Variants in NOS1AP observed in about 807,000 individuals in gnomAD.
NOS1AP encodes the protein nitric oxide synthase 1 adaptor protein.
NOS1AP carries 21 observed loss-of-function variants against 56.2 expected under a neutral mutation model. That is an observed-to-expected ratio of 0.37 (90% confidence interval 0.26 to 0.54). The LOEUF is 0.54. Among genes scored for constraint, NOS1AP ranks in the 20% least tolerant of loss-of-function variants. NOS1AP has a pLI of 0.84. For missense variants in NOS1AP, 522 were observed against 657.8 expected (o/e 0.79, Z 2.26); for synonymous variants, 270 against 274.6 (o/e 0.98, Z 0.17).
In NOS1AP at chr1:162,270,485, CCT is replaced by C. The variant is rs1374111831; in HGVS notation, c.178-16858_178-16857del. Among the ~76,000 whole-genome samples, 7 of 152,180 alleles carry C rather than the reference CCT, an allele frequency of 4.6e-5. No homozygotes were observed. In the East Asian group the frequency reaches 1.2e-3, roughly 25 times the overall value. ...TATAACATTATTATAAAATCAATCC[CCT>C]GAGTGCTAATTGCCATAGCAGTATA... On this transcript the variant is annotated intron_variant, in intron 2 of 9. Coordinates refer to ENST00000361897, the MANE Select transcript of NOS1AP (RefSeq NM_014697.3).
chr1:162,363,927 C>T, intron 8 of NOS1AP: 11 of 985,398 alleles, frequency 1.1e-5, no homozygotes, highest in Non-Finnish European at 1.3e-5. Context: ...TGGCTCCACT[C>T]AATCAGAAAT....
intron 2 of NOS1AP, among the ~76,000 whole-genome samples, chr1:162,283,638 A>G (rs1030246479): frequency 2.0e-5 from 3 of 152,122 alleles, no homozygotes; most frequent in Non-Finnish European, 2.9e-5. Flanking sequence ...GACCTCACTG[A>G]CTGGCACGGC....
intron 2 of NOS1AP, among the ~76,000 whole-genome samples, chr1:162,196,500 G>A (rs1651811465): frequency 6.6e-6 from 1 of 152,190 alleles, no homozygotes; most frequent in African/African-American, 2.4e-5. Context: ...GTTAATGTTG[G>A]GAAGGATGCA....
intron 4 of NOS1AP, among the ~76,000 whole-genome samples, chr1:162,306,829 C>A (rs1464494312): frequency 1.3e-5 from 2 of 151,976 alleles, no homozygotes; most frequent in Non-Finnish European, 2.9e-5. Flanking sequence ...TCCAGCTACT[C>A]AGGAGGCTGA....
chr1:162,350,983 T>C (rs1260205282), intron 6 of NOS1AP, among the ~76,000 whole-genome samples: 1 of 152,250 alleles, frequency 6.6e-6, no homozygotes, highest in Non-Finnish European at 1.5e-5. Context: ...ACCTTTGCTT[T>C]CTGATGGTTT....
chr1:162,317,990 C>T (rs1308515266), intron 4 of NOS1AP, among the ~76,000 whole-genome samples: 24 of 152,110 alleles, frequency 1.6e-4, no homozygotes. Flanking sequence ...AAATACTGCC[C>T]AAGAAAGGGA....
At position 162,357,422 on chromosome 1, in the gene NOS1AP, A is replaced by G. The variant is rs550524013; in HGVS notation, c.939+286A>G. ...AATGACTTGAACTGACCAAGGGAAA[A>G]GATGCACACAATTCCACCCTTCCTT... is the stretch of plus-strand genomic sequence containing the variant. On this transcript the variant is annotated intron_variant, in intron 8 of 9. Coordinates refer to ENST00000361897, the MANE Select transcript of NOS1AP (RefSeq NM_014697.3). Among the ~76,000 whole-genome samples the G allele has an allele frequency of 1.3e-4, 20 of 152,298 alleles. No individual in the cohort carries two copies. In the South Asian group the frequency reaches 3.7e-3, roughly 28 times the overall value.
At chr1:162,273,330 A>AT (rs369362002) in intron 2 of NOS1AP, among the ~76,000 whole-genome samples, 1,641 of 151,498 alleles carry the variant, frequency 0.011, 29 homozygotes, top group African/African-American at 0.037. Context: ...CACCCGGCTA[A>AT]TTTTTTTTGT....
At chr1:162,154,311 G>A in intron 1 of NOS1AP, 94 bp from the exon 2 acceptor site, 1 of 1,020,466 alleles carries the variant, frequency 9.8e-7, no homozygotes, top group Admixed American at 1.9e-5. Flanking sequence ...CTGTAAAATG[G>A]GCAGATGAGC....
chr1:162,321,731 A>AAAAAAAATAT (rs1480278757), intron 4 of NOS1AP, among the ~76,000 whole-genome samples: 31 of 128,484 alleles, frequency 2.4e-4, no homozygotes, highest in African/African-American at 8.7e-4. Flanking sequence ...AAAAAAAAAA[A>AAAAAAAATAT]ATATATATAT....
At position 162,209,363 on chromosome 1, in the gene NOS1AP, T is replaced by C. The variant is rs116973731; in HGVS notation, c.177+54887T>C. Among the ~76,000 whole-genome samples, 75 of 152,252 alleles carry C rather than the reference T, an allele frequency of 4.9e-4. No individual in the cohort carries two copies. The East Asian group carries it at 8.5e-3, about 17-fold the overall frequency. On this transcript the variant is annotated intron_variant, in intron 2 of 9. Transcript: ENST00000361897. ...AATAGTCTGGACTGAAGTGTGTGTA[T>C]AAATGCATGTAGATAGAAGGGCGAT...
intron 4 of NOS1AP, among the ~76,000 whole-genome samples, chr1:162,302,427 A>G (rs1655696215): frequency 6.6e-6 from 1 of 152,232 alleles, no homozygotes; most frequent in Non-Finnish European, 1.5e-5. Context: ...AGATTGCATC[A>G]GAAGCTGGCT....
intron 2 of NOS1AP, among the ~76,000 whole-genome samples, chr1:162,160,300 G>T (rs1428437713): frequency 6.6e-6 from 1 of 152,130 alleles, no homozygotes; most frequent in African/African-American, 2.4e-5. Context: ...GAATTCACCG[G>T]TGACCAGAAA....
intron 1 of NOS1AP, among the ~76,000 whole-genome samples, chr1:162,084,165 CG>C (rs1237459918): frequency 6.6e-6 from 1 of 152,156 alleles, no homozygotes; most frequent in Non-Finnish European, 1.5e-5. Flanking sequence ...CTGTCATCTT[CG>C]CGTTGGCTTC....
intron 2 of NOS1AP, among the ~76,000 whole-genome samples, chr1:162,223,211 G>T (rs1385261949): frequency 6.6e-6 from 1 of 152,162 alleles, no homozygotes; most frequent in Non-Finnish European, 1.5e-5. Context: ...TCTAGTTACA[G>T]AATTTTCTCC....
At chr1:162,228,138 C>T (rs1653002659) in intron 2 of NOS1AP, among the ~76,000 whole-genome samples, 3 of 152,218 alleles carry the variant, frequency 2.0e-5, no homozygotes, top group Non-Finnish European at 4.4e-5. Context: ...AGTGAGGAAG[C>T]ACGGAGAGAT....
intron 2 of NOS1AP, among the ~76,000 whole-genome samples, chr1:162,161,902 T>C (rs1650241241): frequency 6.6e-6 from 1 of 152,234 alleles, no homozygotes; most frequent in Non-Finnish European, 1.5e-5. Flanking sequence ...TAGCTATTAT[T>C]ATTAAATACA....
At chr1:162,223,254 C>G (rs1652843493) in intron 2 of NOS1AP, among the ~76,000 whole-genome samples, 1 of 152,272 alleles carries the variant, frequency 6.6e-6, no homozygotes, top group Non-Finnish European at 1.5e-5. Flanking sequence ...ATAGACCTCC[C>G]TCCCTCCCCA....
At chr1:162,171,101 G>A (rs1650759929) in intron 2 of NOS1AP, among the ~76,000 whole-genome samples, 1 of 152,132 alleles carries the variant, frequency 6.6e-6, no homozygotes, top group African/African-American at 2.4e-5. Flanking sequence ...GGGGCTGTTG[G>A]TCACTGTACT....
Sources: gnomAD v4.1 joint callset for allele counts (sites outside exome capture counted in the v4.1 genomes callset) on GRCh38, gnomAD v4.1.1 for gene constraint, MANE v1.5 for transcripts, NCBI Gene and HGNC (gene_info 2026-07-23, HGNC 2026-07-21) for gene names.